ATP2B2: variants seen among roughly 807,000 people sequenced by gnomAD.
ATP2B2 encodes the protein ATPase plasma membrane Ca2+ transporting 2.
A neutral mutation model predicts 120.0 loss-of-function variants in ATP2B2; 15 were observed. The observed-to-expected ratio is 0.12, with a 90% CI of 0.08 to 0.19. ATP2B2 has a LOEUF of 0.19. Ranked by LOEUF, ATP2B2 falls within the 10% of genes least tolerant of loss-of-function variation. The pLI is 1.00. For missense variants in ATP2B2, 1,045 were observed against 1,719.8 expected, an observed-to-expected ratio of 0.61 and a Z score of 6.94; for synonymous variants, 694 against 700.3, an observed-to-expected ratio of 0.99 and a Z score of 0.14.
intron 1 of ATP2B2, among the ~76,000 whole-genome samples, chr3:10,621,795 G>A (rs1406111128): frequency 3.3e-5 from 5 of 152,216 alleles, no homozygotes; most frequent in Admixed American, 3.3e-4. Flanking sequence ...TACAGATGAG[G>A]AAGTTGAGTC....
chr3:10,355,944 GGGCGCC>G (rs1458780926), intron 14 of ATP2B2, among the ~76,000 whole-genome samples: 4 of 76,312 alleles, frequency 5.2e-5, no homozygotes, highest in East Asian at 0.024. Context: ...GCGTGGTAGC[GGGCGCC>G]TGTAGTCCCA....
chr3:10,706,374 G>A (rs1307376065), intron 1 of ATP2B2, among the ~76,000 whole-genome samples: 1 of 152,210 alleles, frequency 6.6e-6, no homozygotes, highest in Non-Finnish European at 1.5e-5. Flanking sequence ...CTGGCGCCAT[G>A]GCTGGGTTTT....
At chr3:10,563,264 T>G (rs747464877) in intron 2 of ATP2B2, among the ~76,000 whole-genome samples, 1 of 152,124 alleles carries the variant, frequency 6.6e-6, no homozygotes, top group Non-Finnish European at 1.5e-5. Context: ...CCAGAGGGGT[T>G]AAGTGACTTT....
intron 13 of ATP2B2, among the ~76,000 whole-genome samples, 190 bp from the exon 14 acceptor site, chr3:10,359,115 G>A (rs1258642287): frequency 2.0e-5 from 3 of 152,162 alleles, no homozygotes; most frequent in East Asian, 1.9e-4. Flanking sequence ...CTCAGCAAGC[G>A]GAGCCCCACT....
rs979187051 is a variant in ATP2B2 at position 10,587,735 on chromosome 3, T to C, written c.-415+32182A>G. Among the ~76,000 whole-genome samples the C allele has an allele frequency of 2.9e-5, 4 of 136,738 alleles. No individual in the cohort carries two copies. In the East Asian group the frequency reaches 7.3e-4, roughly 25 times the overall value. The allele number at this position is 136,738 out of a possible 152,430, so 89.7% of individuals were successfully genotyped here. On this transcript the variant is annotated intron_variant, in intron 2 of 21. Coordinates refer to the ATP2B2 transcript ENST00000646379. ...AGAACATAAGCTCCAAGAAAGCAAG[T>C]GTTTCTGGTTTTTTTGTTTGTTTGT... is the stretch of plus-strand genomic sequence containing the variant.
chr3:10,354,696 C>T (rs116448699), intron 14 of ATP2B2, among the ~76,000 whole-genome samples: 1,620 of 152,244 alleles, frequency 0.011, 25 homozygotes, highest in African/African-American at 0.037. Context: ...TTGGGCTTCT[C>T]GTGGGAGGAA....
intron 7 of ATP2B2, among the ~76,000 whole-genome samples, chr3:10,385,563 G>T (rs1445444225): frequency 6.6e-6 from 1 of 152,176 alleles, no homozygotes; most frequent in Non-Finnish European, 1.5e-5. Context: ...AAGCATGGTG[G>T]ATGACCAGGG....
chr3:10,449,961 A>T, intron 1 of ATP2B2, 99 bp from the exon 2 acceptor site: 1 of 334,314 alleles, frequency 3.0e-6, no homozygotes, highest in Non-Finnish European at 5.8e-6. Context: ...AGCAACCTAA[A>T]CAACACTGAC....
At chr3:10,556,056 G>A (rs1018132181) in intron 2 of ATP2B2, among the ~76,000 whole-genome samples, 7 of 152,110 alleles carry the variant, frequency 4.6e-5, no homozygotes, top group South Asian at 4.1e-4. Context: ...CCACCACCAC[G>A]CTTGGCTAAC....
At chr3:10,596,171 C>T (rs2068760010) in intron 2 of ATP2B2, among the ~76,000 whole-genome samples, 1 of 152,156 alleles carries the variant, frequency 6.6e-6, no homozygotes, top group Non-Finnish European at 1.5e-5. Flanking sequence ...CGCCTGCCAG[C>T]ACCTTAAAGA....
intron 3 of ATP2B2, among the ~76,000 whole-genome samples, chr3:10,527,943 C>T (rs1012559026): frequency 2.8e-5 from 4 of 140,794 alleles, no homozygotes; most frequent in East Asian, 2.5e-4. Context: ...GCCTGAGGAT[C>T]GGTGAGGAGG....
chr3:10,415,802 C>A (rs759191068), intron 2 of ATP2B2, among the ~76,000 whole-genome samples: 2 of 152,186 alleles, frequency 1.3e-5, no homozygotes, highest in Non-Finnish European at 2.9e-5. Context: ...GGCAGCGAGG[C>A]CCTGAAAATT....
chr3:10,497,466 C>T (rs966735043), intron 1 of ATP2B2, among the ~76,000 whole-genome samples: 1 of 152,226 alleles, frequency 6.6e-6, no homozygotes, highest in African/African-American at 2.4e-5. Flanking sequence ...ATTTTAGTAT[C>T]ATTTATTGAA....
intron 1 of ATP2B2, among the ~76,000 whole-genome samples, chr3:10,638,982 C>A (rs7620122): frequency 0.25 from 38,511 of 152,072 alleles, 7,553 homozygotes; most frequent in African/African-American, 0.54. Flanking sequence ...AACAAGAGAA[C>A]TAGAGAAATT....
At chr3:10,356,543 T>C (rs990675677) in intron 14 of ATP2B2, among the ~76,000 whole-genome samples, 2 of 152,218 alleles carry the variant, frequency 1.3e-5, no homozygotes, top group Admixed American at 1.3e-4. Context: ...TTGTGCGTCA[T>C]GGTCAAATAA....
intron 2 of ATP2B2, among the ~76,000 whole-genome samples, chr3:10,610,852 T>C (rs2069215753): frequency 6.6e-6 from 1 of 152,146 alleles, no homozygotes; most frequent in African/African-American, 2.4e-5. Flanking sequence ...CTGGGAGGCA[T>C]GGAAGACCCC....
chr3:10,691,625 GAAAT>G (rs2071665287), intron 1 of ATP2B2, among the ~76,000 whole-genome samples: 1 of 152,246 alleles, frequency 6.6e-6, no homozygotes, highest in Non-Finnish European at 1.5e-5. Flanking sequence ...ACCAGGAGGA[GAAAT>G]GCTCTGGCTT....
chr3:10,467,054 AG>A (rs1448261540), intron 1 of ATP2B2, among the ~76,000 whole-genome samples: 1 of 152,156 alleles, frequency 6.6e-6, no homozygotes, highest in East Asian at 1.9e-4. Context: ...AAAACTAAAG[AG>A]GTTGGGCTAG....
At chr3:10,512,478 A>T (rs777019342) in intron 3 of ATP2B2, among the ~76,000 whole-genome samples, 12 of 75,966 alleles carry the variant, frequency 1.6e-4, no homozygotes, top group African/African-American at 5.9e-4. Context: ...ACACACACAC[A>T]CACACACACA....
Sources: allele counts gnomAD v4.1 joint callset (sites outside exome capture counted in the v4.1 genomes callset), GRCh38; gene constraint gnomAD v4.1.1; transcripts MANE v1.5; gene names NCBI Gene and HGNC (gene_info 2026-07-23, HGNC 2026-07-21).